Variants in ZNF804B observed in about 807,000 individuals in gnomAD.
ZNF804B encodes zinc finger 804B.
A neutral mutation model predicts 101.4 loss-of-function variants in ZNF804B; 80 were observed. That is an observed-to-expected ratio of 0.79 (90% CI 0.66 to 0.95). The LOEUF is 0.95. Among genes scored for constraint, ZNF804B ranks in the 40% least tolerant of loss-of-function variants. The probability of loss-of-function intolerance (pLI) is 0.00; values close to 1 mark genes in which losing one functional copy is unlikely to be tolerated. For missense variants in ZNF804B, 1,673 were observed against 1,561.9 expected, an observed-to-expected ratio of 1.07 and a Z score of -1.20; for synonymous variants, 622 against 558.8, an observed-to-expected ratio of 1.11 and a Z score of -1.59.
chr7:88,892,249 CCT>C (rs1170959326), intron 1 of ZNF804B, among the ~76,000 whole-genome samples: 7 of 152,072 alleles, frequency 4.6e-5, no homozygotes, highest in Non-Finnish European at 8.8e-5. Flanking sequence ...GCATCATAGG[CCT>C]TCCTTCTCAG....
At chr7:89,042,560 T>C (rs1050452466) in intron 1 of ZNF804B, among the ~76,000 whole-genome samples, 7 of 152,196 alleles carry the variant, frequency 4.6e-5, no homozygotes, top group African/African-American at 1.7e-4. Context: ...GTAAACTTTG[T>C]TTTCCTATAT....
intron 1 of ZNF804B, among the ~76,000 whole-genome samples, chr7:88,845,895 T>G (rs887306139): frequency 6.6e-6 from 1 of 152,108 alleles, no homozygotes; most frequent in East Asian, 1.9e-4. Context: ...AAATATTTGT[T>G]TAATGGATAA....
chr7:88,785,434 T>C (rs1586901451), intron 1 of ZNF804B, among the ~76,000 whole-genome samples: 2 of 152,142 alleles, frequency 1.3e-5, no homozygotes, highest in East Asian at 1.9e-4. Flanking sequence ...TAGCCTCTTC[T>C]CTTAAGGTGT....
chr7:89,124,805 A>C (rs867438829), intron 1 of ZNF804B, among the ~76,000 whole-genome samples: 1 of 150,394 alleles, frequency 6.6e-6, no homozygotes, highest in South Asian at 2.1e-4. Context: ...GACTAATAGA[A>C]TTTTTTTTTT....
intron 1 of ZNF804B, among the ~76,000 whole-genome samples, chr7:88,991,841 T>G (rs372673259): frequency 6.6e-6 from 1 of 152,154 alleles, no homozygotes; most frequent in East Asian, 1.9e-4. Flanking sequence ...ACATATGATA[T>G]AGCTACTACC....
intron 1 of ZNF804B, among the ~76,000 whole-genome samples, chr7:88,933,339 A>G (rs1389526762): frequency 6.6e-6 from 1 of 151,998 alleles, no homozygotes; most frequent in African/African-American, 2.4e-5. Flanking sequence ...ATCATATTGA[A>G]TCAGGAAAAG....
chr7:88,815,872 C>T (rs1198646145), intron 1 of ZNF804B, among the ~76,000 whole-genome samples: 2 of 152,014 alleles, frequency 1.3e-5, no homozygotes, highest in Non-Finnish European at 2.9e-5. Flanking sequence ...GACACCCATT[C>T]ACATAGCCCT....
chr7:89,217,126 T>C (rs1352932030), intron 1 of ZNF804B, among the ~76,000 whole-genome samples: 3 of 152,290 alleles, frequency 2.0e-5, no homozygotes, highest in Non-Finnish European at 2.9e-5. Flanking sequence ...ATTGGTGGAA[T>C]AAATAGACAT....
At chr7:89,033,939 A>G (rs1788882379) in intron 1 of ZNF804B, among the ~76,000 whole-genome samples, 1 of 152,080 alleles carries the variant, frequency 6.6e-6, no homozygotes, top group Non-Finnish European at 1.5e-5. Flanking sequence ...AACTTTTATT[A>G]TTAGTGTAGC....
intron 1 of ZNF804B, among the ~76,000 whole-genome samples, chr7:89,165,401 A>C (rs1309431195): frequency 4.6e-5 from 7 of 151,980 alleles, no homozygotes; most frequent in Non-Finnish European, 1.0e-4. Context: ...TTGATGAATA[A>C]AATGATAAAA....
chr7:89,002,303 A>G (rs1399781759), intron 1 of ZNF804B, among the ~76,000 whole-genome samples: 1 of 151,840 alleles, frequency 6.6e-6, no homozygotes, highest in Non-Finnish European at 1.5e-5. Context: ...ATATAGATTT[A>G]TTGATACTCA....
At chr7:89,250,810 TCAC>T (rs1421675544) in intron 2 of ZNF804B, among the ~76,000 whole-genome samples, 1 of 152,174 alleles carries the variant, frequency 6.6e-6, no homozygotes, top group African/African-American at 2.4e-5. Context: ...TAAATGTGAT[TCAC>T]CACATAAACA....
chr7:88,887,116 A>G (rs1048725140), intron 1 of ZNF804B, among the ~76,000 whole-genome samples: 1 of 152,116 alleles, frequency 6.6e-6, no homozygotes, highest in East Asian at 1.9e-4. Context: ...TGCTGACAAG[A>G]TTGCGGAGAC....
intron 2 of ZNF804B, among the ~76,000 whole-genome samples, chr7:89,228,840 C>T (rs564615762): frequency 1.4e-3 from 209 of 152,228 alleles, no homozygotes; most frequent in Middle Eastern, 6.8e-3. Flanking sequence ...GGGGAGGCTC[C>T]GGCGGCACAG....
chr7:89,018,763 G>C (rs1788612010), intron 1 of ZNF804B, among the ~76,000 whole-genome samples: 1 of 151,822 alleles, frequency 6.6e-6, no homozygotes, highest in African/African-American at 2.4e-5. Flanking sequence ...TTTTTCTCTA[G>C]GTTGTTCAAT....
chr7:88,934,108 A>G (rs1452546158), intron 1 of ZNF804B, among the ~76,000 whole-genome samples: 2 of 151,990 alleles, frequency 1.3e-5, no homozygotes, highest in Non-Finnish European at 2.9e-5. Flanking sequence ...ACCCAAAAAT[A>G]AAGCCAAATA....
intron 1 of ZNF804B, among the ~76,000 whole-genome samples, chr7:88,790,078 G>C (rs983940366): frequency 1.3e-5 from 2 of 152,028 alleles, no homozygotes; most frequent in Non-Finnish European, 2.9e-5. Context: ...CATATAAAAA[G>C]AAAAGAATTA....
At chr7:89,272,925 T>G (rs1342928976) in intron 2 of ZNF804B, among the ~76,000 whole-genome samples, 1 of 152,104 alleles carries the variant, frequency 6.6e-6, no homozygotes, top group Non-Finnish European at 1.5e-5. Context: ...TGCCCTCTTG[T>G]TTTCTCACAG....
intron 2 of ZNF804B, among the ~76,000 whole-genome samples, chr7:89,234,132 C>T (rs1789243223): frequency 6.6e-6 from 1 of 152,078 alleles, no homozygotes; most frequent in South Asian, 2.1e-4. Flanking sequence ...GACTTATAAT[C>T]CAAGATAAGC....
Sources: allele counts gnomAD v4.1 joint callset (sites outside exome capture counted in the v4.1 genomes callset), GRCh38; gene constraint gnomAD v4.1.1; transcripts MANE v1.5; gene names NCBI Gene and HGNC (gene_info 2026-07-23, HGNC 2026-07-21).